Variants in LHFPL3 observed in about 807,000 individuals in gnomAD.
LHFPL3 encodes LHFPL tetraspan subfamily member 3 protein.
Under a neutral mutation model 19.3 loss-of-function variants are expected in LHFPL3, and 5 were observed. The observed-to-expected ratio is 0.26, with a 90% confidence interval of 0.14 to 0.54. The LOEUF is 0.54. LHFPL3 is among the 20% of genes least tolerant of loss of function. The probability of loss-of-function intolerance (pLI) is 0.94; values close to 1 mark genes in which losing one functional copy is unlikely to be tolerated. For missense variants in LHFPL3, 249 were observed against 307.4 expected (o/e 0.81, Z 1.42); for synonymous variants, 133 against 126.2 (o/e 1.05, Z -0.36).
intron 1 of LHFPL3, among the ~76,000 whole-genome samples, chr7:104,476,319 T>C (rs1793015453): frequency 2.0e-5 from 3 of 152,236 alleles, no homozygotes; most frequent in Non-Finnish European, 4.4e-5. Context: ...ATAATGTTGA[T>C]TATTAATATT....
chr7:104,770,595 C>A (rs1794533712), intron 2 of LHFPL3, among the ~76,000 whole-genome samples: 1 of 152,208 alleles, frequency 6.6e-6, no homozygotes, highest in African/African-American at 2.4e-5. Flanking sequence ...GAATGTCACA[C>A]AGAACCTCTC....
chr7:104,622,855 T>C (rs1213554551), intron 1 of LHFPL3: 6 of 178,764 alleles, frequency 3.4e-5, no homozygotes, highest in East Asian at 3.2e-4. Flanking sequence ...AAATGGTAAC[T>C]CTGTGTTTAG....
At chr7:104,530,372 A>G (rs1303747476) in intron 1 of LHFPL3, among the ~76,000 whole-genome samples, 1 of 152,184 alleles carries the variant, frequency 6.6e-6, no homozygotes, top group Non-Finnish European at 1.5e-5. Context: ...TATGTCCTAG[A>G]GAGTGGTTTT....
At chr7:104,420,597 T>C (rs981529551) in intron 1 of LHFPL3, among the ~76,000 whole-genome samples, 3 of 147,864 alleles carry the variant, frequency 2.0e-5, no homozygotes, top group Non-Finnish European at 3.0e-5. Flanking sequence ...TCTCGCTCTT[T>C]CGCCCAGGCT....
intron 1 of LHFPL3, among the ~76,000 whole-genome samples, chr7:104,641,197 A>G (rs1435314746): frequency 2.0e-5 from 3 of 152,236 alleles, no homozygotes; most frequent in Non-Finnish European, 4.4e-5. Flanking sequence ...AACCAAAAGT[A>G]ATAAAAGTTT....
At chr7:104,502,245 C>T (rs191686636) in intron 1 of LHFPL3, among the ~76,000 whole-genome samples, 3 of 152,208 alleles carry the variant, frequency 2.0e-5, no homozygotes, top group African/African-American at 7.2e-5. Context: ...AACTTGCTTG[C>T]TAACACCTGA....
chr7:104,588,331 A>C (rs537208841), intron 1 of LHFPL3, among the ~76,000 whole-genome samples: 6 of 152,342 alleles, frequency 3.9e-5, no homozygotes, highest in African/African-American at 7.2e-5. Flanking sequence ...AGCTTCCTAC[A>C]TATGGCTAGC....
chr7:104,633,995 C>T (rs994934530), intron 1 of LHFPL3, among the ~76,000 whole-genome samples: 1 of 152,142 alleles, frequency 6.6e-6, no homozygotes, highest in African/African-American at 2.4e-5. Flanking sequence ...ATCTAGTCAC[C>T]TACGTATTTC....
chr7:104,734,858 T>A (rs750537544), intron 1 of LHFPL3, among the ~76,000 whole-genome samples: 8 of 152,352 alleles, frequency 5.3e-5, no homozygotes, highest in South Asian at 2.1e-4. Flanking sequence ...TTTATCCACC[T>A]TTGGTCTTTG....
intron 2 of LHFPL3, among the ~76,000 whole-genome samples, chr7:104,772,319 TTTAA>T (rs1341757225): frequency 6.6e-6 from 1 of 152,212 alleles, no homozygotes; most frequent in Non-Finnish European, 1.5e-5. Flanking sequence ...CCAAAAACCT[TTTAA>T]TTAGTTAATG....
chr7:104,882,227 C>T (rs1293843146), intron 2 of LHFPL3, among the ~76,000 whole-genome samples: 1 of 152,040 alleles, frequency 6.6e-6, no homozygotes, highest in Admixed American at 6.6e-5. Flanking sequence ...CTAAGCACTA[C>T]ATTTCATTTA....
At chr7:104,796,222 G>C (rs916486492) in intron 2 of LHFPL3, among the ~76,000 whole-genome samples, 2 of 152,234 alleles carry the variant, frequency 1.3e-5, no homozygotes, top group Non-Finnish European at 2.9e-5. Context: ...GTGGAGGACT[G>C]CTTCACTGAC....
intron 1 of LHFPL3, among the ~76,000 whole-genome samples, chr7:104,702,579 C>T (rs1793123754): frequency 6.6e-6 from 1 of 152,194 alleles, no homozygotes; most frequent in Non-Finnish European, 1.5e-5. Context: ...AAATTAAAGG[C>T]CAGTGCCTAT....
At chr7:104,497,875 G>C (rs1562916644) in intron 1 of LHFPL3, among the ~76,000 whole-genome samples, 1 of 152,158 alleles carries the variant, frequency 6.6e-6, no homozygotes, top group South Asian at 2.1e-4. Flanking sequence ...TGACACCTGA[G>C]TCACAAGGTC....
chr7:104,829,392 C>T (rs1358407971), intron 2 of LHFPL3, among the ~76,000 whole-genome samples: 1 of 151,554 alleles, frequency 6.6e-6, no homozygotes, highest in Non-Finnish European at 1.5e-5. Context: ...AAATTACTTA[C>T]ATATGTATAC....
intron 1 of LHFPL3, among the ~76,000 whole-genome samples, chr7:104,583,089 C>A (rs1790492570): frequency 6.6e-6 from 1 of 151,968 alleles, no homozygotes; most frequent in South Asian, 2.1e-4. Flanking sequence ...CTGTAACCAG[C>A]ATGGTGCTAG....
intron 1 of LHFPL3, among the ~76,000 whole-genome samples, chr7:104,674,278 TA>T (rs56387626): frequency 0.98 from 148,628 of 150,974 alleles, 73,194 homozygotes; most frequent in Non-Finnish European, 1. Flanking sequence ...GATTTAAAAG[TA>T]AAAAAAAAAT....
chr7:104,474,717 C>T (rs1273776711), intron 1 of LHFPL3, among the ~76,000 whole-genome samples: 5 of 145,778 alleles, frequency 3.4e-5, no homozygotes, highest in African/African-American at 1.3e-4. Context: ...AAGAAAGGGT[C>T]TTGACCTCAA....
At position 104,659,714 on chromosome 7, in the gene LHFPL3, G is replaced by T. The variant is rs4332069; in HGVS notation, c.446-76961G>T. 5.2e-3 allele frequency among the ~76,000 whole-genome samples: 787 copies of T among 152,268 alleles called. 45 individuals carry two copies. In the East Asian group the frequency reaches 0.11, roughly 22 times the overall value. On this transcript the variant is annotated intron_variant, in intron 1 of 2. Coordinates refer to ENST00000424859, the MANE Select transcript of LHFPL3 (RefSeq NM_199000.3). ...AATGATAGAAGGCCTTCACATTTGC[G>T]ACTTCTCAAAATCAGGAAGGTATTT...
Sources: gnomAD v4.1 joint callset for allele counts (sites outside exome capture counted in the v4.1 genomes callset) on GRCh38, gnomAD v4.1.1 for gene constraint, MANE v1.5 for transcripts, NCBI Gene and HGNC (gene_info 2026-07-23, HGNC 2026-07-21) for gene names.